Variants in HPS1 observed in about 807,000 individuals in gnomAD.
The protein encoded by HPS1 is BLOC-3 complex member HPS1.
Under a neutral mutation model 90.6 loss-of-function variants are expected in HPS1, and 59 were observed. That is an observed-to-expected ratio of 0.65 (90% confidence interval 0.53 to 0.81). The LOEUF (loss-of-function observed/expected upper bound fraction) is 0.81, where lower values mean the gene tolerates loss of function less well. Ranked by LOEUF, HPS1 falls within the 30% of genes least tolerant of loss-of-function variation. The probability of loss-of-function intolerance (pLI) is 0.00; values close to 1 mark genes in which losing one functional copy is unlikely to be tolerated. For synonymous variants in HPS1, 388 were observed against 384.4 expected (o/e 1.01, Z -0.11); for missense variants, 849 against 896.7 (o/e 0.95, Z 0.68).
chr10:98,416,033 C>T (rs928244312), downstream of HPS1, among the ~76,000 whole-genome samples: 4 of 152,176 alleles, frequency 2.6e-5, no homozygotes, highest in East Asian at 1.9e-4. Flanking sequence ...CCCCTTGGAG[C>T]GGAGAGTTCC....
intron 6 of HPS1, among the ~76,000 whole-genome samples, chr10:98,431,899 T>C (rs1846528992): frequency 1.3e-5 from 2 of 152,242 alleles, no homozygotes; most frequent in African/African-American, 4.8e-5. Context: ...TATCACCATA[T>C]GATATAAAAG....
downstream of HPS1, chr10:98,416,090 C>G (rs568236803): frequency 6.6e-6 from 1 of 152,292 alleles, no homozygotes; most frequent in Non-Finnish European, 1.5e-5. Context: ...CTATTGGTAA[C>G]GAATCTCAGA....
intron 18 of HPS1, among the ~76,000 whole-genome samples, chr10:98,419,066 G>A (rs1226369675): frequency 2.0e-5 from 3 of 152,200 alleles, no homozygotes; most frequent in African/African-American, 7.2e-5. Context: ...GGATCATTGT[G>A]TCTCCATCCG....
chr10:98,443,432 T>G, intron 2 of HPS1, among the ~76,000 whole-genome samples, 192 bp from the exon 3 acceptor site: 1 of 152,068 alleles, frequency 6.6e-6, no homozygotes, highest in Non-Finnish European at 1.5e-5. Flanking sequence ...GTACCCCCAT[T>G]TTAGAGAGCA....
At chr10:98,429,981 A>G in intron 8 of HPS1, 92 bp from the exon 9 acceptor site, 3 of 983,698 alleles carry the variant, frequency 3.0e-6, no homozygotes, top group Non-Finnish European at 4.6e-6. Flanking sequence ...AGAAGCCTCC[A>G]CCCCTCCACC....
chr10:98,422,479 TG>T lies in HPS1; in HGVS notation c.1632del (p.Phe544LeufsTer42). ...YLEDFPGLVHFIYVDRTTGQM... is the reference protein window; with the variant it reads ...YLEDFPGLVHXIYVDRTTGQM... ...TGCCCAGTGGTGCGGTCCACATAGATGAAGTGCACCAAGCCTGGGAAGTCTT... is the reference window on the plus strand; with the variant it reads ...TGCCCAGTGGTGCGGTCCACATAGATAAGTGCACCAAGCCTGGGAAGTCTT... On this transcript the variant is annotated frameshift_variant, in exon 17 of 20. Coordinates refer to ENST00000361490, the MANE Select transcript of HPS1 (RefSeq NM_000195.5). LOFTEE classifies it high-confidence loss of function. The T allele has an allele frequency of 6.2e-7, 1 of 1,614,124 alleles. No individual in the cohort carries two copies. The highest frequency in any genetic ancestry group is 8.5e-7 in the Non-Finnish European group (1 of 1,179,958).
chr10:98,429,695 C>G, intron 9 of HPS1, 53 bp from the exon 10 acceptor site: 1 of 1,614,080 alleles, frequency 6.2e-7, no homozygotes, highest in Non-Finnish European at 8.5e-7. Flanking sequence ...TGGCTCAACC[C>G]TGTCCCTGCT....
intron 11 of HPS1, 45 bp downstream of exon 11, chr10:98,427,170 C>T: frequency 1.3e-6 from 2 of 1,494,634 alleles, no homozygotes; most frequent in Middle Eastern, 1.7e-4. Context: ...CTCACTGCGG[C>T]ATCTCAGATC....
Position 98,420,163 on chromosome 10 carries a change from G to A in HPS1, c.1744-5C>T, listed in dbSNP as rs369429846. 8.7e-6 allele frequency: 14 copies of A among 1,600,454 alleles called. No individual in the cohort carries two copies. Among genetic ancestry groups the A allele is most frequent in the African/African-American group, 2.7e-5 (2 of 74,758 alleles). On this transcript the variant is annotated splice_polypyrimidine_tract_variant and splice_region_variant and intron_variant, in intron 17 of 19. Transcript: ENST00000361490. ...CAGCTGGATCAGAGACCAGACCTGG[G>A]GAAAAGACAGCAAGCATCACCACTC...
Position 98,425,732 on chromosome 10 carries a change from G to A in HPS1, c.1156-12C>T. 1.9e-6 allele frequency: 3 copies of A among 1,605,688 alleles called. No individual in the cohort carries two copies. Among genetic ancestry groups the A allele is most frequent in the African/African-American group, 1.3e-5 (1 of 74,850 alleles). On this transcript the variant is annotated splice_polypyrimidine_tract_variant and intron_variant, in intron 12 of 19. Transcript: ENST00000361490. ...GGCGCGCTGGGGCTCTGAGGGTAAG[G>A]GCCGAGAGGCGGGTGAACGGGGCTG...
Position 98,418,257 on chromosome 10 carries a change from C to G in HPS1, c.1858G>C (p.Gly620Arg). Residue 620 changes from glycine (G) to arginine (R), a missense_variant and splice_region_variant, in exon 19 of 20, where the codon GGG becomes CGG. Gly to Arg is a moderately radical substitution (Grantham distance 125). Transcript: ENST00000361490. The part of the protein sequence containing the change: ...SYFLWFENDM[G>R]YKLQMIEVPV... ...ACCTCGATCATCTGGAGTTTGTACC[C>G]CTGAGGAGGGAGGACAGGGAGGCAG... 1 of 1,599,260 alleles carries G rather than the reference C, an allele frequency of 6.3e-7. No individual in the cohort carries two copies. The highest frequency in any genetic ancestry group is 8.6e-7 in the Non-Finnish European group (1 of 1,169,398).
In HPS1 at chr10:98,429,593, G is replaced by A. The variant is rs773202165; in HGVS notation, c.917C>T (p.Ser306Phe). 4.3e-6 allele frequency: 7 copies of A among 1,614,214 alleles called. No individual in the cohort carries two copies. The Admixed American group carries it at 5.0e-5, about 12-fold the overall frequency. Residue 306 changes from serine (S) to phenylalanine (F), a missense_variant, in exon 10 of 20, where the codon TCC becomes TTC. Coordinates refer to ENST00000361490, the MANE Select transcript of HPS1 (RefSeq NM_000195.5). ...CTCACCTGAGCTCTGATCGCCAGGG[G>A]AAGGAGCTGGTGTGAAGTACTCCTC... Reference protein sequence around the residue: ...LPEEYFTPAPSPGDQSSGSTI... With the variant: ...LPEEYFTPAPFPGDQSSGSTI...
chr10:98,415,527 C>G (rs1843997482), downstream of HPS1, among the ~76,000 whole-genome samples: 1 of 152,242 alleles, frequency 6.6e-6, no homozygotes. Flanking sequence ...CGAAAGGGCC[C>G]TCTCCTCCCC....
chr10:98,444,841 G>C (rs1283464314), intron 2 of HPS1, among the ~76,000 whole-genome samples: 1 of 152,220 alleles, frequency 6.6e-6, no homozygotes, highest in Non-Finnish European at 1.5e-5. Context: ...AGGTTGCTGG[G>C]AGAGGCGGGT....
Position 98,434,013 on chromosome 10 carries a change from CAGGCGGCTGT to C in HPS1, c.467_476del (p.Tyr156CysfsTer16), listed in dbSNP as rs1846922474. ...CGGCGAAGCACTGCTCCTGCTCCCG[CAGGCGGCTGT>C]AGGTCCACAGCAGGCTCTGGAAGTG... is the stretch of plus-strand genomic sequence containing the variant. On this transcript the variant is annotated frameshift_variant, in exon 6 of 20. Coordinates refer to ENST00000361490, the MANE Select transcript of HPS1 (RefSeq NM_000195.5). LOFTEE classifies it high-confidence loss of function. 5 of 1,558,902 alleles carry C rather than the reference CAGGCGGCTGT, an allele frequency of 3.2e-6. No individual in the cohort carries two copies. The Admixed American group carries it at 7.7e-5, about 24-fold the overall frequency.
intron 2 of HPS1, among the ~76,000 whole-genome samples, chr10:98,444,429 T>C (rs900797553): frequency 2.6e-5 from 4 of 152,242 alleles, no homozygotes; most frequent in Non-Finnish European, 5.9e-5. Flanking sequence ...CTGACCAGGC[T>C]GGTGAGGACA....
chr10:98,442,032 T>C (rs766281776), intron 3 of HPS1, among the ~76,000 whole-genome samples: 3 of 152,254 alleles, frequency 2.0e-5, no homozygotes, highest in Non-Finnish European at 4.4e-5. Flanking sequence ...TGCATGTTCA[T>C]AGTTGCTTTA....
At chr10:98,437,200 C>T (rs1045866868) in intron 3 of HPS1, among the ~76,000 whole-genome samples, 11 of 152,144 alleles carry the variant, frequency 7.2e-5, no homozygotes, top group Admixed American at 2.6e-4. Flanking sequence ...CATGTTGCTA[C>T]GTTTACTGCT....
rs1844245248 is a variant in HPS1 at position 98,417,474 on chromosome 10, C to T, written c.*90G>A. The stretch of plus-strand genomic sequence containing the variant: ...CTCTGCCCTATCCTCAGGATGGCCA[C>T]TGCAGACAGGAGGCTCTCGTCATGG... On this transcript the variant is annotated 3_prime_UTR_variant, in exon 20 of 20. Transcript: ENST00000361490. The surrounding 1 kb of genome is among the most constrained non-coding windows in gnomAD (Gnocchi z 4.2). 1 of 1,242,130 alleles carries T rather than the reference C, an allele frequency of 8.1e-7. No homozygotes were observed. The highest frequency in any genetic ancestry group is 2.1e-5 in the Admixed American group (1 of 47,562). The allele number at this position is 1,242,130 out of a possible 1,614,324, so 76.9% of individuals were successfully genotyped here. A position where few individuals can be genotyped will look rare whatever the true frequency, so the allele number is the denominator to read the frequency against.
Sources: gnomAD v4.1 joint callset for allele counts (sites outside exome capture counted in the v4.1 genomes callset) on GRCh38, gnomAD v4.1.1 for gene constraint, Gnocchi (gnomAD v3.1) non-coding constraint, MANE v1.5 for transcripts, NCBI Gene and HGNC (gene_info 2026-07-23, HGNC 2026-07-21) for gene names.